Variants in RABGAP1L observed in about 807,000 individuals in gnomAD.
RABGAP1L encodes rab GTPase-activating protein 1-like.
In RABGAP1L, 63 loss-of-function variants were observed where a neutral mutation model predicts 137.7. The observed-to-expected ratio is 0.46, with a 90% CI of 0.37 to 0.56. RABGAP1L has a LOEUF of 0.56. Among genes scored for constraint, RABGAP1L ranks in the 20% least tolerant of loss-of-function variants. The pLI is 0.00. For synonymous variants in RABGAP1L, 431 were observed against 433.7 expected (o/e 0.99, Z 0.08); for missense variants, 1,095 against 1,244.0 (o/e 0.88, Z 1.80).
intron 13 of RABGAP1L, among the ~76,000 whole-genome samples, chr1:174,623,955 C>T (rs1371877856): frequency 6.6e-6 from 1 of 152,166 alleles, no homozygotes; most frequent in East Asian, 1.9e-4. Flanking sequence ...CAGATGAAAC[C>T]AAACTGGAAC....
intron 13 of RABGAP1L, among the ~76,000 whole-genome samples, chr1:174,599,613 G>T (rs1670262832): frequency 6.6e-6 from 1 of 151,576 alleles, no homozygotes; most frequent in African/African-American, 2.4e-5. Flanking sequence ...CTGGATAAAA[G>T]TTTTTTTTTC....
intron 19 of RABGAP1L, among the ~76,000 whole-genome samples, chr1:174,940,541 A>C (rs1383262977): frequency 1.3e-5 from 2 of 151,922 alleles, no homozygotes; most frequent in Non-Finnish European, 2.9e-5. Context: ...GCCTCCCAAA[A>C]TACTAGAATC....
chr1:174,344,698 A>G (rs1362295498), intron 11 of RABGAP1L, among the ~76,000 whole-genome samples: 1 of 152,176 alleles, frequency 6.6e-6, no homozygotes, highest in Non-Finnish European at 1.5e-5. Context: ...CTGATTCACA[A>G]TGGAATTAAT....
chr1:174,448,328 C>G lies in RABGAP1L; in HGVS notation c.1710+54183C>G. ...CTTTCATTGTGCTCCACTGTTACAT[C>G]ATTATACTACCAGCTATTTCATTCA... On this transcript the variant is annotated intron_variant, in intron 13 of 25. Coordinates refer to ENST00000681986, the MANE Select transcript of RABGAP1L (RefSeq NM_001366446.1). This position sits in a 1 kb window ranked among gnomAD's most constrained non-coding sequence, Gnocchi z 4.2. 6.2e-7 allele frequency: 1 copy of G among 1,613,582 alleles called. No individual in the cohort carries two copies. The highest frequency in any genetic ancestry group is 8.5e-7 in the Non-Finnish European group (1 of 1,179,506).
At chr1:174,257,176 T>G (rs914500529) in intron 7 of RABGAP1L, among the ~76,000 whole-genome samples, 1 of 152,168 alleles carries the variant, frequency 6.6e-6, no homozygotes, top group African/African-American at 2.4e-5. Flanking sequence ...TTTGAGCACT[T>G]CCTTTTTAGC....
chr1:174,243,756 C>G (rs1672026416), intron 5 of RABGAP1L, among the ~76,000 whole-genome samples: 1 of 152,132 alleles, frequency 6.6e-6, no homozygotes, highest in African/African-American at 2.4e-5. Flanking sequence ...CATTTTTATT[C>G]TCAAAAGTGT....
intron 13 of RABGAP1L, among the ~76,000 whole-genome samples, chr1:174,563,951 T>C (rs11802744): frequency 0.078 from 11,806 of 152,190 alleles, 527 homozygotes; most frequent in Admixed American, 0.1. Context: ...AAAAAAATTA[T>C]GCCTTTTTCA....
chr1:174,660,904 A>G (rs186553258), intron 14 of RABGAP1L, among the ~76,000 whole-genome samples: 141 of 152,222 alleles, frequency 9.3e-4, no homozygotes, highest in African/African-American at 3.1e-3. Context: ...CAAAGATACT[A>G]TATACATTAT....
At chr1:174,633,493 A>G (rs1461240261) in intron 13 of RABGAP1L, among the ~76,000 whole-genome samples, 1 of 151,552 alleles carries the variant, frequency 6.6e-6, no homozygotes, top group Non-Finnish European at 1.5e-5. Flanking sequence ...CATCCCCATC[A>G]AGCTACCAAT....
At chr1:174,343,142 A>C (rs144674567) in intron 11 of RABGAP1L, among the ~76,000 whole-genome samples, 2,905 of 152,334 alleles carry the variant, frequency 0.019, 42 homozygotes, top group Non-Finnish European at 0.03. Flanking sequence ...TGAACACTAC[A>C]TTAAACGATT....
intron 18 of RABGAP1L, among the ~76,000 whole-genome samples, chr1:174,802,708 G>A (rs1476866060): frequency 6.6e-5 from 10 of 152,172 alleles, no homozygotes; most frequent in Non-Finnish European, 4.4e-5. Context: ...TTGGTAATAC[G>A]AGGGTACTCT....
intron 19 of RABGAP1L, among the ~76,000 whole-genome samples, chr1:174,884,787 C>G (rs1164067217): frequency 6.6e-6 from 1 of 152,246 alleles, no homozygotes; most frequent in East Asian, 1.9e-4. Flanking sequence ...TAAAACTTCT[C>G]TCTTGACATC....
intron 13 of RABGAP1L, among the ~76,000 whole-genome samples, chr1:174,519,254 A>G (rs1663152662): frequency 6.6e-6 from 1 of 152,142 alleles, no homozygotes; most frequent in East Asian, 1.9e-4. Flanking sequence ...ATTTATGTAT[A>G]TGAGTTTATT....
intron 20 of RABGAP1L, among the ~76,000 whole-genome samples, chr1:174,963,056 G>A (rs1290433696): frequency 6.6e-6 from 1 of 151,752 alleles, no homozygotes; most frequent in Non-Finnish European, 1.5e-5. Context: ...CAGAGATCGT[G>A]CCACTGGACT....
At chr1:174,239,127 C>G (rs575537762) in intron 4 of RABGAP1L, among the ~76,000 whole-genome samples, 3 of 152,276 alleles carry the variant, frequency 2.0e-5, no homozygotes, top group East Asian at 3.9e-4. Context: ...TGCTTCGGCT[C>G]GCGCACCGTG....
intron 13 of RABGAP1L, among the ~76,000 whole-genome samples, chr1:174,557,203 G>C (rs1666936480): frequency 6.6e-6 from 1 of 152,206 alleles, no homozygotes; most frequent in South Asian, 2.1e-4. Context: ...GATCAAGCCT[G>C]AGATTCCCCA....
At chr1:174,833,444 G>GTATATATATATATATATA (rs1692357953) in intron 19 of RABGAP1L, among the ~76,000 whole-genome samples, 1 of 17,364 alleles carries the variant, frequency 5.8e-5, no homozygotes. Context: ...GTGTGTGTGT[G>GTATATATATATATATATA]TAGAGATATA....
At chr1:174,635,051 T>A (rs1335108371) in intron 13 of RABGAP1L, among the ~76,000 whole-genome samples, 5 of 149,790 alleles carry the variant, frequency 3.3e-5, no homozygotes, top group African/African-American at 1.2e-4. Context: ...AAAATAATAA[T>A]AAAATAAAAA....
chr1:174,871,367 C>T (rs139466244), intron 19 of RABGAP1L, among the ~76,000 whole-genome samples: 168 of 152,158 alleles, frequency 1.1e-3, no homozygotes, highest in African/African-American at 3.8e-3. Flanking sequence ...CTCCTGACAG[C>T]GTGATCTGCC....
Sources: gnomAD v4.1 joint callset for allele counts (sites outside exome capture counted in the v4.1 genomes callset) on GRCh38, gnomAD v4.1.1 for gene constraint, Gnocchi (gnomAD v3.1) non-coding constraint, MANE v1.5 for transcripts, NCBI Gene and HGNC (gene_info 2026-07-23, HGNC 2026-07-21) for gene names.